The following NUP42 variants were observed in gnomAD, a reference collection of about 807,000 sequenced individuals.
The protein encoded by NUP42 is nucleoporin NUP42.
Under a neutral mutation model 35.9 loss-of-function variants are expected in NUP42, and 47 were observed. The observed-to-expected ratio is 1.31, with a 90% CI of 1.04 to 1.67. The LOEUF (loss-of-function observed/expected upper bound fraction) is 1.67, where lower values mean the gene tolerates loss of function less well. NUP42 is among the 40% of genes most tolerant of loss of function. The probability of loss-of-function intolerance (pLI) is 0.00; values close to 1 mark genes in which losing one functional copy is unlikely to be tolerated. For missense variants in NUP42, 514 were observed against 492.2 expected (o/e 1.04, Z -0.42); for synonymous variants, 173 against 173.3 (o/e 1.00, Z 0.01).
At position 23,185,214 on chromosome 7, in the gene NUP42, C is replaced by T. The variant is rs1398141642; in HGVS notation, c.266C>T (p.Thr89Ile). 1.2e-6 allele frequency: 2 copies of T among 1,614,028 alleles called. No individual in the cohort carries two copies. The highest frequency in any genetic ancestry group is 1.3e-5 in the African/African-American group (1 of 74,910). Residue 89 changes from threonine (T) to isoleucine (I), a missense_variant, in exon 2 of 7, where the codon ACT becomes ATT. By Grantham distance (89) the Thr-to-Ile change is moderately conservative. Coordinates refer to ENST00000258742, the MANE Select transcript of NUP42 (RefSeq NM_007342.3). The part of the protein sequence containing the change: ...YFSSFDSGAS[T>I]NRKEGFGLSE... ...AGTTCTTTTGATTCTGGAGCTTCAA[C>T]TAACAGGAAGGAAGGCTTTGGATTG...
At chr7:23,187,863 C>T (rs1785648777) in intron 3 of NUP42, among the ~76,000 whole-genome samples, 1 of 151,744 alleles carries the variant, frequency 6.6e-6, no homozygotes, top group South Asian at 2.1e-4. Flanking sequence ...GCCACAGGCT[C>T]CTAAAGTGCT....
intron 5 of NUP42, chr7:23,197,137 G>A (rs1237108239): frequency 1.6e-5 from 17 of 1,063,130 alleles, no homozygotes; most frequent in Non-Finnish European, 1.4e-5. Context: ...ATCGTTTTGC[G>A]ACTGAAGAAC....
At chr7:23,196,003 C>A (rs560927616) in intron 4 of NUP42, 88 bp downstream of exon 4, 2 of 709,318 alleles carry the variant, frequency 2.8e-6, no homozygotes, top group Non-Finnish European at 4.7e-6. Context: ...TTGGCAAAAC[C>A]GATGAGGTCT....
At chr7:23,194,024 G>C (rs376532243) in intron 3 of NUP42, among the ~76,000 whole-genome samples, 1 of 152,222 alleles carries the variant, frequency 6.6e-6, no homozygotes, top group East Asian at 1.9e-4. Context: ...CTCTGAGTGT[G>C]GGGCCCACCA....
At chr7:23,182,909 CAA>C (rs572917944) in intron 1 of NUP42, among the ~76,000 whole-genome samples, 3 of 96,732 alleles carry the variant, frequency 3.1e-5, no homozygotes, top group Non-Finnish European at 4.4e-5. Flanking sequence ...GCGAGACTAT[CAA>C]AAAAAAAAAA....
intron 3 of NUP42, among the ~76,000 whole-genome samples, chr7:23,190,529 C>T (rs1785754798): frequency 6.6e-6 from 1 of 152,158 alleles, no homozygotes; most frequent in Non-Finnish European, 1.5e-5. Flanking sequence ...CCCTTGTAAA[C>T]AAACATTCTT....
At chr7:23,196,551 A>G (rs1786016876) in intron 4 of NUP42, 129 bp from the exon 5 acceptor site, 1 of 646,842 alleles carries the variant, frequency 1.5e-6, no homozygotes, top group Non-Finnish European at 2.7e-6. Flanking sequence ...AAATTTTGCA[A>G]GTCATGGGCC....
intron 6 of NUP42, 50 bp downstream of exon 6, chr7:23,199,592 T>G: frequency 6.8e-7 from 1 of 1,474,976 alleles, no homozygotes; most frequent in Non-Finnish European, 9.5e-7. Flanking sequence ...AAATTAGATT[T>G]TATAGGTTTC....
chr7:23,200,820 C>G lies in NUP42; in HGVS notation c.*75C>G. On this transcript the variant is annotated 3_prime_UTR_variant, in exon 7 of 7. Transcript: ENST00000258742. Reference sequence around the variant, plus strand: ...TGATTCATACAGAGATGTATATATGCATACATGTATATATTCATAAGGAAT... The same window carrying G: ...TGATTCATACAGAGATGTATATATGGATACATGTATATATTCATAAGGAAT... 1 of 834,062 alleles carries G rather than the reference C, an allele frequency of 1.2e-6. No individual in the cohort carries two copies. Among genetic ancestry groups the G allele is most frequent in the South Asian group, 2.0e-5 (1 of 49,412 alleles). 51.7% of individuals were successfully genotyped at this position (834,062 alleles called of 1,614,324 possible).
chr7:23,188,033 T>C (rs73088126), intron 3 of NUP42: 15,332 of 1,347,502 alleles, frequency 0.011, 157 homozygotes, highest in Non-Finnish European at 0.014. Flanking sequence ...TTGTCCATAG[T>C]CCCTAAGCCC....
chr7:23,189,252 CTT>C (rs1785707065), intron 3 of NUP42, among the ~76,000 whole-genome samples: 1 of 152,160 alleles, frequency 6.6e-6, no homozygotes, highest in South Asian at 2.1e-4. Flanking sequence ...TTACGGAAAA[CTT>C]TGTCATCGTG....
At chr7:23,199,663 T>C in intron 6 of NUP42, 121 bp downstream of exon 6, 7 of 832,328 alleles carry the variant, frequency 8.4e-6, no homozygotes, top group Non-Finnish European at 1.4e-5. Flanking sequence ...CCTTCCATCA[T>C]AGAGCCTCAA....
intron 3 of NUP42, among the ~76,000 whole-genome samples, chr7:23,194,248 C>T (rs1456387391): frequency 2.0e-5 from 3 of 152,214 alleles, no homozygotes; most frequent in African/African-American, 7.2e-5. Context: ...GTACCCAGAG[C>T]GAGTGAGGAA....
rs1562604427 is a variant in NUP42 at position 23,187,040 on chromosome 7, T to C, written c.351-12T>C. On this transcript the variant is annotated splice_polypyrimidine_tract_variant and intron_variant, in intron 2 of 6. Coordinates refer to ENST00000258742, the MANE Select transcript of NUP42 (RefSeq NM_007342.3). ...AGATCCTTTACTCTTTTTTTTTTTT[T>C]CTTTTTTGCAGGGAAGGAATTGTAA... is the stretch of plus-strand genomic sequence containing the variant. The C allele has an allele frequency of 1.9e-6, 3 of 1,540,386 alleles. No individual in the cohort carries two copies. The highest frequency in any genetic ancestry group is 2.6e-6 in the Non-Finnish European group (3 of 1,139,526).
At chr7:23,195,383 A>G (rs1295255352) in intron 3 of NUP42, 1 of 152,554 alleles carries the variant, frequency 6.6e-6, no homozygotes, top group Non-Finnish European at 1.5e-5. Context: ...TTGCCTGTTC[A>G]TTATCTTTGC....
chr7:23,196,581 C>G (rs1048237572), intron 4 of NUP42, 99 bp from the exon 5 acceptor site: 20 of 866,774 alleles, frequency 2.3e-5, no homozygotes, highest in East Asian at 5.0e-5. Flanking sequence ...TTACATAAAC[C>G]TTTTGTGATT....
chr7:23,197,976 C>T (rs1343677362), intron 5 of NUP42, among the ~76,000 whole-genome samples: 1 of 152,106 alleles, frequency 6.6e-6, no homozygotes, highest in Non-Finnish European at 1.5e-5. Flanking sequence ...GGGCTGGGTG[C>T]AGTGGCTCAC....
In NUP42 at chr7:23,182,145, C is replaced by G; in HGVS notation, c.60C>G (p.Asn20Lys). 6.2e-7 allele frequency: 1 copy of G among 1,614,200 alleles called. No individual in the cohort carries two copies. The highest frequency in any genetic ancestry group is 8.5e-7 in the Non-Finnish European group (1 of 1,180,018). The change falls in exon 1 of 7, where the codon AAC becomes AAG. Residue 20 changes from asparagine to lysine, a missense_variant. Asn to Lys is a moderately conservative substitution (Grantham distance 94, BLOSUM62 0). Coordinates refer to ENST00000258742, the MANE Select transcript of NUP42 (RefSeq NM_007342.3). ...GCCGCTTTGGAGATCGGTGCTGGAA[C>G]GAACATCCCGGTGCTAGGGGTGCAG... is the stretch of plus-strand genomic sequence containing the variant. ...GRCRFGDRCWNEHPGARGAGG... is the reference protein window; with the variant it reads ...GRCRFGDRCWKEHPGARGAGG...
At chr7:23,192,737 C>CCCCTGTACAAGTGGA (rs570642402) in intron 3 of NUP42, among the ~76,000 whole-genome samples, 2 of 151,870 alleles carry the variant, frequency 1.3e-5, no homozygotes, top group Non-Finnish European at 2.9e-5. Flanking sequence ...GTACAAGTGG[C>CCCCTGTACAAGTGGA]CCCTGTACAA....
Sources: gnomAD v4.1 joint callset for allele counts (sites outside exome capture counted in the v4.1 genomes callset) on GRCh38, gnomAD v4.1.1 for gene constraint, MANE v1.5 for transcripts, NCBI Gene and HGNC (gene_info 2026-07-23, HGNC 2026-07-21) for gene names.